Variants in TNR observed in about 807,000 individuals in gnomAD.
TNR encodes the protein tenascin-R.
A neutral mutation model predicts 150.4 loss-of-function variants in TNR; 45 were observed. That is an observed-to-expected ratio of 0.30 (90% CI 0.24 to 0.38). The LOEUF (loss-of-function observed/expected upper bound fraction) is 0.38, where lower values mean the gene tolerates loss of function less well. Among genes scored for constraint, TNR ranks in the 10% least tolerant of loss-of-function variants. The probability of loss-of-function intolerance (pLI) is 1.00; values close to 1 mark genes in which losing one functional copy is unlikely to be tolerated. For synonymous variants in TNR, 687 were observed against 678.4 expected (o/e 1.01, Z -0.20); for missense variants, 1,544 against 1,759.1 (o/e 0.88, Z 2.19).
In TNR at chr1:175,498,416, A is replaced by T. The variant is rs570735797; in HGVS notation, c.-64+29853T>A. Among the ~76,000 whole-genome samples the T allele has an allele frequency of 3.2e-4, 48 of 152,340 alleles. No individual in the cohort carries two copies. In the South Asian group the frequency reaches 9.5e-3, roughly 30 times the overall value. ...ATACAAGGATTCTGAGGACCAGGGA[A>T]TGGTGGAGCTATAATACAGAGAAAG... On this transcript the variant is annotated intron_variant, in intron 2 of 22. Coordinates refer to ENST00000367674, the MANE Select transcript of TNR (RefSeq NM_003285.3).
intron 2 of TNR, among the ~76,000 whole-genome samples, chr1:175,439,710 C>A (rs561171553): frequency 6.6e-6 from 1 of 152,136 alleles, no homozygotes; most frequent in African/African-American, 2.4e-5. Flanking sequence ...AGAAAGTGGG[C>A]GAAGGATATG....
chr1:175,405,889 G>A (rs577173242), intron 3 of TNR, among the ~76,000 whole-genome samples: 3 of 152,120 alleles, frequency 2.0e-5, no homozygotes, highest in Non-Finnish European at 2.9e-5. Context: ...TTCCCTGCTC[G>A]CCATCGAAGT....
At chr1:175,558,649 T>A (rs1227376991) in intron 1 of TNR, among the ~76,000 whole-genome samples, 8 of 151,972 alleles carry the variant, frequency 5.3e-5, no homozygotes, top group Admixed American at 3.9e-4. Flanking sequence ...CCCATGGGAG[T>A]TTTACAGGAT....
At chr1:175,521,813 C>T (rs1659652083) in intron 2 of TNR, among the ~76,000 whole-genome samples, 1 of 152,112 alleles carries the variant, frequency 6.6e-6, no homozygotes, top group African/African-American at 2.4e-5. Context: ...GTGACACTTG[C>T]CCTGTTTCTG....
At chr1:175,596,925 T>C (rs577718355) in intron 1 of TNR, among the ~76,000 whole-genome samples, 54 of 152,328 alleles carry the variant, frequency 3.5e-4, no homozygotes, top group African/African-American at 1.2e-3. Context: ...ATTTCACCTC[T>C]GAGCTGATTA....
chr1:175,631,254 A>T (rs1330859692), intron 1 of TNR, among the ~76,000 whole-genome samples: 1 of 152,262 alleles, frequency 6.6e-6, no homozygotes, highest in East Asian at 1.9e-4. Context: ...TTATTTGTTA[A>T]GATAAAAGAA....
intron 2 of TNR, among the ~76,000 whole-genome samples, chr1:175,424,883 A>G (rs1654905970): frequency 1.3e-5 from 2 of 152,046 alleles, no homozygotes; most frequent in African/African-American, 4.8e-5. Flanking sequence ...AGAGCTTCAG[A>G]TACTTGGAAA....
At chr1:175,503,165 G>A (rs916107099) in intron 2 of TNR, among the ~76,000 whole-genome samples, 1 of 152,308 alleles carries the variant, frequency 6.6e-6, no homozygotes, top group African/African-American at 2.4e-5. Flanking sequence ...GAGGACCCAT[G>A]GCTGAGGGAA....
At chr1:175,406,115 GT>G in intron 3 of TNR, 100 bp downstream of exon 3, 1 of 1,478,780 alleles carries the variant, frequency 6.8e-7, no homozygotes, top group Non-Finnish European at 9.0e-7. Context: ...CTGGGAGTGC[GT>G]TTTCGCTGGA....
chr1:175,599,273 G>A lies in TNR; in HGVS notation c.-164-70904C>T, dbSNP rs1204777147. On this transcript the variant is annotated intron_variant, in intron 1 of 22. Transcript: ENST00000367674. The surrounding 1 kb of genome is among the most constrained non-coding windows in gnomAD (Gnocchi z 4.7). The stretch of plus-strand genomic sequence containing the variant: ...CCGCTCCTCCCTTTCAGGCGCCCGG[G>A]TTTGCCCACCGCGAAGAGCAGTGGC... Among the ~76,000 whole-genome samples the A allele has an allele frequency of 6.6e-6, 1 of 152,206 alleles. No individual in the cohort carries two copies. The highest frequency in any genetic ancestry group is 2.4e-5 in the African/African-American group (1 of 41,462).
chr1:175,554,218 G>T (rs532350321), intron 1 of TNR, among the ~76,000 whole-genome samples: 5 of 151,928 alleles, frequency 3.3e-5, no homozygotes, highest in Non-Finnish European at 7.4e-5. Context: ...AAGAGTCAAA[G>T]GTGCTATCAT....
intron 2 of TNR, among the ~76,000 whole-genome samples, chr1:175,482,618 G>T (rs1433916115): frequency 6.6e-6 from 1 of 152,176 alleles, no homozygotes. Flanking sequence ...AATGTACACT[G>T]AGAAGACGCC....
chr1:175,364,872 G>C, intron 12 of TNR, 138 bp downstream of exon 12: 4 of 1,092,670 alleles, frequency 3.7e-6, no homozygotes, highest in Non-Finnish European at 3.9e-6. Context: ...AGCTGTTTCA[G>C]AACAGGTCAC....
At chr1:175,477,201 A>C (rs570542615) in intron 2 of TNR, among the ~76,000 whole-genome samples, 2 of 152,346 alleles carry the variant, frequency 1.3e-5, no homozygotes, top group East Asian at 3.9e-4. Context: ...TAGACATTGT[A>C]TAGTTATTCA....
rs1265125509 is a variant in TNR at position 175,609,249 on chromosome 1, T to C, written c.-164-80880A>G. Among the ~76,000 whole-genome samples the C allele has an allele frequency of 5.3e-5, 8 of 152,316 alleles. No individual in the cohort carries two copies. In the South Asian group the frequency reaches 1.5e-3, roughly 28 times the overall value. On this transcript the variant is annotated intron_variant, in intron 1 of 22. Coordinates refer to ENST00000367674, the MANE Select transcript of TNR (RefSeq NM_003285.3). ...GACATCTGTAACCCAGTTTGACTTA[T>C]ATAAATATTAAACACAAATCAATAA...
At chr1:175,576,229 G>C (rs1175181255) in intron 1 of TNR, among the ~76,000 whole-genome samples, 1 of 152,148 alleles carries the variant, frequency 6.6e-6, no homozygotes, top group Non-Finnish European at 1.5e-5. Flanking sequence ...TCTGTGACAG[G>C]GTCTATCACC....
intron 2 of TNR, among the ~76,000 whole-genome samples, chr1:175,451,474 C>T (rs992203593): frequency 0.013 from 1 of 80 alleles, no homozygotes; most frequent in African/African-American, 0.071. Flanking sequence ...ATCTAGAAGC[C>T]AGCCGCCAGC....
chr1:175,534,343 C>A (rs561458380), intron 1 of TNR, among the ~76,000 whole-genome samples: 15 of 152,338 alleles, frequency 9.8e-5, no homozygotes, highest in Admixed American at 9.1e-4. Flanking sequence ...TCTAGAGTTT[C>A]CTTGGGACAG....
intron 1 of TNR, among the ~76,000 whole-genome samples, chr1:175,614,396 A>T (rs1663701564): frequency 6.6e-6 from 1 of 152,158 alleles, no homozygotes. Context: ...CCTCTCTGTT[A>T]TTGAACCAAA....
Sources: gnomAD v4.1 joint callset for allele counts (sites outside exome capture counted in the v4.1 genomes callset) on GRCh38, gnomAD v4.1.1 for gene constraint, Gnocchi (gnomAD v3.1) non-coding constraint, MANE v1.5 for transcripts, NCBI Gene and HGNC (gene_info 2026-07-23, HGNC 2026-07-21) for gene names.